The following MAML2 variants were observed in gnomAD, a reference collection of about 807,000 sequenced individuals.
MAML2 encodes the protein mastermind like transcriptional coactivator 2, also known as mastermind-like protein 2.
MAML2 carries 22 observed loss-of-function variants against 96.1 expected under a neutral mutation model. That is an observed-to-expected ratio of 0.23 (90% confidence interval 0.16 to 0.33). MAML2 has a LOEUF of 0.33. MAML2 is among the 10% of genes least tolerant of loss of function. The pLI, the probability that MAML2 is intolerant of heterozygous loss-of-function variation, is 1.00. For synonymous variants in MAML2, 561 were observed against 521.3 expected (o/e 1.08, Z -1.04); for missense variants, 1,367 against 1,392.4 (o/e 0.98, Z 0.29).
In MAML2 at chr11:96,087,078, G is replaced by A. The variant is rs756764394; in HGVS notation, c.2139+4814C>T. Among the ~76,000 whole-genome samples, 5 of 152,152 alleles carry A rather than the reference G, an allele frequency of 3.3e-5. No homozygotes were observed. The East Asian group carries it at 9.6e-4, about 29-fold the overall frequency. ...TTACTAACCATAACCCTGAGCAAGT[G>A]ATTTGATCTTTCTGAGCATCAGTGT... is the stretch of plus-strand genomic sequence containing the variant. On this transcript the variant is annotated intron_variant, in intron 2 of 4. Coordinates refer to ENST00000524717, the MANE Select transcript of MAML2 (RefSeq NM_032427.4).
intron 2 of MAML2, among the ~76,000 whole-genome samples, chr11:96,090,562 C>A (rs1393442610): frequency 6.6e-6 from 1 of 152,152 alleles, no homozygotes; most frequent in East Asian, 1.9e-4. Flanking sequence ...GAAAATAGTT[C>A]TACGACTTGT....
At chr11:96,153,865 C>T (rs61901872) in intron 1 of MAML2, among the ~76,000 whole-genome samples, 19,379 of 151,832 alleles carry the variant, frequency 0.13, 1,507 homozygotes, top group African/African-American at 0.21. Context: ...GAGCCAAGAT[C>T]GCATCACTGC....
intron 2 of MAML2, among the ~76,000 whole-genome samples, chr11:96,009,848 C>G (rs1282153369): frequency 6.6e-6 from 1 of 152,096 alleles, no homozygotes; most frequent in Non-Finnish European, 1.5e-5. Context: ...GAAATATTGC[C>G]CAAGGACATC....
chr11:96,253,114 A>T (rs750613643), intron 1 of MAML2, among the ~76,000 whole-genome samples: 2 of 152,200 alleles, frequency 1.3e-5, no homozygotes, highest in African/African-American at 2.4e-5. Flanking sequence ...AGCCTATAGT[A>T]GAGCTCAACA....
intron 1 of MAML2, 107 bp from the exon 2 acceptor site, chr11:96,093,624 G>A: frequency 4.6e-6 from 4 of 870,968 alleles, no homozygotes; most frequent in Non-Finnish European, 7.0e-6. Flanking sequence ...TTACACACAA[G>A]ATTCAGTTTT....
chr11:96,128,677 C>T (rs1860493701), intron 1 of MAML2, among the ~76,000 whole-genome samples: 3 of 152,150 alleles, frequency 2.0e-5, no homozygotes, highest in Admixed American at 1.3e-4. Flanking sequence ...TTACAATTAC[C>T]ACTCTTCATA....
At chr11:96,023,695 C>A (rs760629441) in intron 2 of MAML2, among the ~76,000 whole-genome samples, 3 of 152,192 alleles carry the variant, frequency 2.0e-5, no homozygotes, top group Non-Finnish European at 2.9e-5. Context: ...CCATTGATCA[C>A]AAGGCCTTTC....
intron 1 of MAML2, among the ~76,000 whole-genome samples, chr11:96,173,538 C>G (rs1565237469): frequency 6.6e-6 from 1 of 152,176 alleles, no homozygotes; most frequent in South Asian, 2.1e-4. Context: ...AGAGCTGAGA[C>G]TGAGCTTTAT....
chr11:96,004,612 GA>G (rs35190662), intron 2 of MAML2, among the ~76,000 whole-genome samples: 8 of 151,900 alleles, frequency 5.3e-5, no homozygotes, highest in East Asian at 1.9e-4. Flanking sequence ...TTGTAATGAT[GA>G]AAAAAAATGG....
At chr11:96,013,444 T>C (rs1156372767) in intron 2 of MAML2, among the ~76,000 whole-genome samples, 1 of 151,780 alleles carries the variant, frequency 6.6e-6, no homozygotes, top group East Asian at 1.9e-4. Context: ...TCCCTTTAAA[T>C]GACATGGAAT....
intron 1 of MAML2, among the ~76,000 whole-genome samples, chr11:96,280,703 T>G (rs1005166933): frequency 3.9e-5 from 6 of 152,224 alleles, no homozygotes; most frequent in Non-Finnish European, 1.5e-5. Flanking sequence ...ATAGCCAGGG[T>G]GCTGCCCTAT....
chr11:96,200,151 G>A (rs553652), intron 1 of MAML2, among the ~76,000 whole-genome samples: 138,755 of 152,254 alleles, frequency 0.91, 63,526 homozygotes, highest in Middle Eastern at 0.97. Flanking sequence ...ACCTTAGTCC[G>A]AACAGATGAA....
chr11:96,248,891 A>G lies in MAML2; in HGVS notation c.513+92492T>C, dbSNP rs1862547194. On this transcript the variant is annotated intron_variant, in intron 1 of 4. Coordinates refer to ENST00000524717, the MANE Select transcript of MAML2 (RefSeq NM_032427.4). ...AACTAGCAGAAGCTAATTGTTAAAT[A>G]TTCAAGAACTTTGCAAGCTGGTTGT... Among the ~76,000 whole-genome samples, 4 of 152,368 alleles carry G rather than the reference A, an allele frequency of 2.6e-5. No individual in the cohort carries two copies. In the South Asian group the frequency reaches 8.3e-4, roughly 32 times the overall value.
At chr11:96,146,476 G>A (rs1041429962) in intron 1 of MAML2, among the ~76,000 whole-genome samples, 1 of 152,168 alleles carries the variant, frequency 6.6e-6, no homozygotes, top group Non-Finnish European at 1.5e-5. Context: ...GTCAGAAAGG[G>A]CTGAGTCCAA....
At chr11:96,166,171 TCTCTCTCACACA>T (rs1861189175) in intron 1 of MAML2, among the ~76,000 whole-genome samples, 1 of 117,692 alleles carries the variant, frequency 8.5e-6, no homozygotes, top group Non-Finnish European at 1.8e-5. Context: ...TCTCTCTCTC[TCTCTCTCACACA>T]CACACACACA....
intron 2 of MAML2, among the ~76,000 whole-genome samples, chr11:96,002,344 T>C (rs980139810): frequency 2.6e-5 from 4 of 152,210 alleles, no homozygotes; most frequent in African/African-American, 9.7e-5. Context: ...GTTGGCTCTT[T>C]CCAAAGGCAA....
chr11:96,106,284 C>T lies in MAML2; in HGVS notation c.514-12767G>A, dbSNP rs1860019358. Among the ~76,000 whole-genome samples the T allele has an allele frequency of 3.9e-5, 6 of 152,300 alleles. No homozygotes were observed. In the South Asian group the frequency reaches 1.2e-3, roughly 32 times the overall value. Reference sequence around the variant, plus strand: ...ACCTCACCTATATTGAAAAATAAAACTTTTGGCAGGTCAAAATTGTGAATC... The same window carrying T: ...ACCTCACCTATATTGAAAAATAAAATTTTTGGCAGGTCAAAATTGTGAATC... On this transcript the variant is annotated intron_variant, in intron 1 of 4. Coordinates refer to ENST00000524717, the MANE Select transcript of MAML2 (RefSeq NM_032427.4).
At chr11:96,221,112 T>C (rs1316154511) in intron 1 of MAML2, among the ~76,000 whole-genome samples, 1 of 152,184 alleles carries the variant, frequency 6.6e-6, no homozygotes, top group East Asian at 1.9e-4. Context: ...AATACTATGG[T>C]CATTAATTAA....
chr11:96,320,862 C>G (rs1436594280), intron 1 of MAML2, among the ~76,000 whole-genome samples: 1 of 152,146 alleles, frequency 6.6e-6, no homozygotes, highest in Non-Finnish European at 1.5e-5. Flanking sequence ...TATCATATGA[C>G]AAGGACCAAG....
Sources: gnomAD v4.1 joint callset for allele counts (sites outside exome capture counted in the v4.1 genomes callset) on GRCh38, gnomAD v4.1.1 for gene constraint, MANE v1.5 for transcripts, NCBI Gene and HGNC (gene_info 2026-07-23, HGNC 2026-07-21) for gene names.